The following GSE1 variants were observed in gnomAD, a reference collection of about 807,000 sequenced individuals.
The protein encoded by GSE1 is genetic suppressor element 1.
A neutral mutation model predicts 112.6 loss-of-function variants in GSE1; 32 were observed. The ratio of observed to expected loss-of-function variants is 0.28; its 90% CI spans 0.21 to 0.38. The LOEUF (loss-of-function observed/expected upper bound fraction) is 0.38, where lower values mean the gene tolerates loss of function less well. Ranked by LOEUF, GSE1 falls within the 10% of genes least tolerant of loss-of-function variation. GSE1 has a pLI of 1.00. For missense variants in GSE1, 2,348 were observed against 1,699.2 expected, an observed-to-expected ratio of 1.38 and a Z score of -6.71; for synonymous variants, 1,115 against 735.6, an observed-to-expected ratio of 1.52 and a Z score of -8.35.
intron 1 of GSE1, among the ~76,000 whole-genome samples, chr16:85,239,795 T>C (rs1260637043): frequency 6.6e-6 from 1 of 152,226 alleles, no homozygotes; most frequent in Non-Finnish European, 1.5e-5. Context: ...AAATCTCTTC[T>C]CCATCTTGAT....
intron 2 of GSE1, among the ~76,000 whole-genome samples, chr16:85,642,189 A>G (rs76638647): frequency 0.027 from 4,038 of 152,322 alleles, 186 homozygotes; most frequent in African/African-American, 0.092. Flanking sequence ...CTGCATGCCT[A>G]TAGTCCCAGC....
At chr16:85,657,181 C>A in intron 7 of GSE1, 96 bp from the exon 8 acceptor site, 2 of 840,208 alleles carry the variant, frequency 2.4e-6, no homozygotes, top group Admixed American at 2.7e-5. Flanking sequence ...TTTGGAAGGG[C>A]TCTGGTTTCT....
At chr16:85,449,043 A>G (rs2049593948) in intron 2 of GSE1, among the ~76,000 whole-genome samples, 1 of 152,108 alleles carries the variant, frequency 6.6e-6, no homozygotes, top group South Asian at 2.1e-4. Flanking sequence ...TGTCAAAGGC[A>G]GGTGGCCGGG....
chr16:85,265,210 A>G (rs1261558451), intron 1 of GSE1, among the ~76,000 whole-genome samples: 1 of 152,144 alleles, frequency 6.6e-6, no homozygotes, highest in Non-Finnish European at 1.5e-5. Context: ...CTGCGGGTAA[A>G]GGCCTGGAGT....
chr16:85,454,558 C>A (rs1429870696), intron 2 of GSE1, among the ~76,000 whole-genome samples: 1 of 152,238 alleles, frequency 6.6e-6, no homozygotes, highest in Non-Finnish European at 1.5e-5. Flanking sequence ...AATGAATCAC[C>A]CTAAACCAGG....
intron 7 of GSE1, 87 bp downstream of exon 7, chr16:85,656,752 T>C: frequency 7.0e-7 from 1 of 1,428,506 alleles, no homozygotes; most frequent in Non-Finnish European, 9.2e-7. Context: ...CCGGTTGCCG[T>C]GGTGTAAATG....
rs149485570 is a variant in GSE1, at chr16:85,270,793, C to T, written c.2284-86670C>T. Among the ~76,000 whole-genome samples the T allele has an allele frequency of 1.9e-3, 289 of 152,212 alleles. 7 individuals are homozygous for T. The highest frequency in any genetic ancestry group is 6.6e-3 in the African/African-American group (276 of 41,514). On this transcript the variant is annotated intron_variant, in intron 1 of 2. Transcript: ENST00000637419. ...GGAGAGGTTCCTTATGAGGTCTCGCCATCCACTCGGGAAAGAGCAGTTTCT... is the reference window on the plus strand; with the variant it reads ...GGAGAGGTTCCTTATGAGGTCTCGCTATCCACTCGGGAAAGAGCAGTTTCT...
intron 1 of GSE1, among the ~76,000 whole-genome samples, chr16:85,227,429 C>T (rs914327945): frequency 8.5e-5 from 13 of 152,134 alleles, no homozygotes; most frequent in South Asian, 2.1e-4. Flanking sequence ...TTGCAAGGGA[C>T]GAAGTACTTG....
At position 85,541,546 on chromosome 16, in the gene GSE1, C is replaced by T. The variant is rs576619286; in HGVS notation, c.2465-92368C>T. ...CCCACACTGTCCCCCACTTCTTGCC[C>T]AGCAGACCCCTGCCAGCCACTCCGT... is the stretch of plus-strand genomic sequence containing the variant. On this transcript the variant is annotated intron_variant, in intron 2 of 2. Transcript: ENST00000637419. Among the ~76,000 whole-genome samples, 7 of 152,380 alleles carry T rather than the reference C, an allele frequency of 4.6e-5. No individual in the cohort carries two copies. The East Asian group carries it at 9.6e-4, about 21-fold the overall frequency.
At chr16:85,672,093 G>A (rs2053392616) in intron 15 of GSE1, 3 of 311,000 alleles carry the variant, frequency 9.6e-6, no homozygotes, top group South Asian at 8.0e-5. Flanking sequence ...CCGCCTCCTG[G>A]GTTCAAGCGA....
intron 1 of GSE1, among the ~76,000 whole-genome samples, chr16:85,203,766 C>G (rs1317244578): frequency 6.6e-6 from 1 of 152,206 alleles, no homozygotes; most frequent in African/African-American, 2.4e-5. Context: ...GAGACAGGGT[C>G]TCACTCTGTC....
rs9940601 is a variant in GSE1 at position 85,672,441 on chromosome 16, A to T, written c.3556A>T (p.Arg1186Trp). The change falls in exon 16 of 16, where the codon AGG becomes TGG. Residue 1186 changes from arginine (R) to tryptophan (W), a missense_variant. Physicochemically the swap from Arg to Trp is moderately radical, Grantham distance 101. Transcript: ENST00000253458. ...RSQKQKMVSERERLQAELDHL... is the reference protein window; with the variant it reads ...RSQKQKMVSEWERLQAELDHL... The stretch of plus-strand genomic sequence containing the variant: ...CCAGAAACAGAAGATGGTCTCAGAA[A>T]GGGAGCGGCTCCAGGCAGAACTGGA... 1.2e-6 allele frequency: 2 copies of T among 1,610,174 alleles called. No individual in the cohort carries two copies. Among genetic ancestry groups the T allele is most frequent in the Non-Finnish European group, 1.7e-6 (2 of 1,177,202 alleles).
chr16:85,238,690 G>A (rs981151881), intron 1 of GSE1, among the ~76,000 whole-genome samples: 7 of 152,200 alleles, frequency 4.6e-5, no homozygotes, highest in African/African-American at 1.7e-4. Flanking sequence ...TCTCCCTGCT[G>A]TAGCCAGCCC....
At chr16:85,186,943 A>T (rs1192114084) in intron 1 of GSE1, among the ~76,000 whole-genome samples, 2 of 152,142 alleles carry the variant, frequency 1.3e-5, no homozygotes, top group Admixed American at 1.3e-4. Context: ...TGTACCAGGG[A>T]AGTTGACTTC....
chr16:85,327,101 C>T (rs1416020868), intron 1 of GSE1, among the ~76,000 whole-genome samples: 1 of 152,206 alleles, frequency 6.6e-6, no homozygotes, highest in Non-Finnish European at 1.5e-5. Context: ...TTGTTTCTTT[C>T]CATGGGAGCC....
chr16:85,549,298 C>T (rs2044820438), intron 2 of GSE1, among the ~76,000 whole-genome samples: 1 of 152,048 alleles, frequency 6.6e-6, no homozygotes, highest in Non-Finnish European at 1.5e-5. Flanking sequence ...CCTCAGCTTC[C>T]CATGTAGCTG....
chr16:85,186,652 G>A (rs2074709041), intron 1 of GSE1, among the ~76,000 whole-genome samples: 1 of 151,484 alleles, frequency 6.6e-6, no homozygotes. Flanking sequence ...CATGTCTGTG[G>A]TCCCAGCTAG....
At chr16:85,387,789 C>T (rs1200731665) in intron 2 of GSE1, among the ~76,000 whole-genome samples, 1 of 152,210 alleles carries the variant, frequency 6.6e-6, no homozygotes, top group Non-Finnish European at 1.5e-5. Context: ...AGTAGGTGAT[C>T]AGTAAGTACT....
intron 1 of GSE1, among the ~76,000 whole-genome samples, chr16:85,253,731 G>A (rs141314892): frequency 1.9e-4 from 29 of 152,336 alleles, no homozygotes; most frequent in African/African-American, 6.7e-4. Flanking sequence ...TGGCAAGAGT[G>A]CTCCCGGTGG....
Sources: gnomAD v4.1 joint callset for allele counts (sites outside exome capture counted in the v4.1 genomes callset) on GRCh38, gnomAD v4.1.1 for gene constraint, MANE v1.5 for transcripts, NCBI Gene and HGNC (gene_info 2026-07-23, HGNC 2026-07-21) for gene names.